The following MYO1H variants were observed in gnomAD, a reference collection of about 807,000 sequenced individuals.
MYO1H encodes the protein myosin IH.
MYO1H carries 118 observed loss-of-function variants against 149.3 expected under a neutral mutation model. That is an observed-to-expected ratio of 0.79 (90% CI 0.68 to 0.92). The LOEUF (loss-of-function observed/expected upper bound fraction) is 0.92. Ranked by LOEUF, MYO1H falls within the 40% of genes least tolerant of loss-of-function variation. The pLI is 0.00. For synonymous variants in MYO1H, 447 were observed against 465.2 expected, an observed-to-expected ratio of 0.96 and a Z score of 0.50; for missense variants, 1,212 against 1,280.7, an observed-to-expected ratio of 0.95 and a Z score of 0.82.
At chr12:109,345,086 TA>T (rs1036006339), upstream of MYO1H, among the ~76,000 whole-genome samples, 1 of 151,974 alleles carries the variant, frequency 6.6e-6, no homozygotes, top group South Asian at 2.1e-4. Flanking sequence ...AAACCAAAGG[TA>T]AAAAAATAGA....
intron 21 of MYO1H, among the ~76,000 whole-genome samples, chr12:109,436,200 C>A (rs891412221): frequency 1.3e-5 from 2 of 152,112 alleles, no homozygotes; most frequent in African/African-American, 4.8e-5. Flanking sequence ...AGAATGAAAT[C>A]TAATGCCTGA....
chr12:109,420,793 C>T (rs1476923074), intron 15 of MYO1H, among the ~76,000 whole-genome samples, 188 bp from the exon 16 acceptor site: 2 of 152,186 alleles, frequency 1.3e-5, no homozygotes, highest in Non-Finnish European at 2.9e-5. Flanking sequence ...CAACATCCCA[C>T]AATGCATGGG....
intron 21 of MYO1H, among the ~76,000 whole-genome samples, chr12:109,435,667 C>T (rs1871828556): frequency 6.6e-6 from 1 of 152,226 alleles, no homozygotes; most frequent in Non-Finnish European, 1.5e-5. Flanking sequence ...ACCATGGTCT[C>T]ATTCTGTTCT....
the MYO1H span, among the ~76,000 whole-genome samples, chr12:109,318,980 T>TGTTTTTTTG: frequency 1.4e-4 from 19 of 136,146 alleles, no homozygotes; most frequent in African/African-American, 4.9e-4. Flanking sequence ...TTGTTTTTTT[T>TGTTTTTTTG]TTTTTTTTTT....
At chr12:109,310,579 G>A in the MYO1H span, among the ~76,000 whole-genome samples, 1 of 152,012 alleles carries the variant, frequency 6.6e-6, no homozygotes, top group African/African-American at 2.4e-5. Context: ...CTTCGCAGCA[G>A]GCAGGGGACC....
intron 2 of MYO1H, among the ~76,000 whole-genome samples, chr12:109,390,651 T>C (rs1869605726): frequency 6.6e-6 from 1 of 151,262 alleles, no homozygotes; most frequent in South Asian, 2.1e-4. Context: ...ACCCATCCTG[T>C]TTTCTTGTTT....
intron 1 of MYO1H, among the ~76,000 whole-genome samples, chr12:109,371,764 A>C (rs1336357677): frequency 1.3e-5 from 2 of 152,202 alleles, no homozygotes; most frequent in South Asian, 4.1e-4. Context: ...AGATTCTATA[A>C]TATATACACC....
chr12:109,325,480 C>T, the MYO1H span, among the ~76,000 whole-genome samples: 1 of 152,002 alleles, frequency 6.6e-6, no homozygotes, highest in East Asian at 1.9e-4. Context: ...CCATAAAAAC[C>T]CTGAAAGAAA....
chr12:109,332,557 C>T, the MYO1H span, among the ~76,000 whole-genome samples: 4 of 152,208 alleles, frequency 2.6e-5, no homozygotes, highest in African/African-American at 9.7e-5. Flanking sequence ...CTGCATTGTG[C>T]CCTGGTGCAG....
At position 109,403,306 on chromosome 12, in the gene MYO1H, C is replaced by T. The variant is rs371805461; in HGVS notation, c.751-676C>T. 4.9e-4 allele frequency among the ~76,000 whole-genome samples: 74 copies of T among 152,338 alleles called. No homozygotes were observed. The South Asian group carries it at 0.014, about 28-fold the overall frequency. ...GAAATATTTTCATGGTATGACACAT[C>T]TGATTTCCCCCATGCAATGAAGAAA... On this transcript the variant is annotated intron_variant, in intron 6 of 31. Coordinates refer to ENST00000310903, the Ensembl canonical transcript of MYO1H.
At chr12:109,396,311 C>T in intron 3 of MYO1H, 73 bp from the exon 4 acceptor site, 3 of 1,303,940 alleles carry the variant, frequency 2.3e-6, no homozygotes, top group South Asian at 3.0e-5. Flanking sequence ...CCTCATTTTT[C>T]TTCTTTGGTG....
chr12:109,361,119 C>T (rs1030598202), intron 1 of MYO1H, among the ~76,000 whole-genome samples: 1 of 152,170 alleles, frequency 6.6e-6, no homozygotes, highest in Non-Finnish European at 1.5e-5. Context: ...TGTCCCAATT[C>T]TTTTCTTGGA....
chr12:109,401,380 T>G (rs778657867), intron 6 of MYO1H, 108 bp downstream of exon 6: 1 of 1,120,484 alleles, frequency 8.9e-7, no homozygotes. Flanking sequence ...CATCCTGCTA[T>G]GTGTCCTATT....
chr12:109,340,915 A>C, the MYO1H span, among the ~76,000 whole-genome samples: 3 of 152,150 alleles, frequency 2.0e-5, no homozygotes, highest in African/African-American at 7.2e-5. Flanking sequence ...GGCCAGGCTC[A>C]GTGGCTCATG....
chr12:109,423,220 A>G (rs990822894), intron 16 of MYO1H, among the ~76,000 whole-genome samples: 1 of 152,148 alleles, frequency 6.6e-6, no homozygotes, highest in Non-Finnish European at 1.5e-5. Flanking sequence ...GTACAGTGGC[A>G]TGATCTCAAC....
chr12:109,426,967 C>T (rs1427465813), intron 18 of MYO1H, among the ~76,000 whole-genome samples: 2 of 152,130 alleles, frequency 1.3e-5, no homozygotes, highest in Non-Finnish European at 2.9e-5. Flanking sequence ...GATCTCAGGA[C>T]TTTTCAGAGG....
At chr12:109,426,313 G>A (rs145836848) in intron 18 of MYO1H, among the ~76,000 whole-genome samples, 1 of 152,066 alleles carries the variant, frequency 6.6e-6, no homozygotes, top group Non-Finnish European at 1.5e-5. Flanking sequence ...GCAAAACCCC[G>A]TCTCTACAAA....
At chr12:109,401,112 A>C in exon 6 of MYO1H, 1 of 1,613,906 alleles carries the variant, frequency 6.2e-7, no homozygotes, top group Non-Finnish European at 8.5e-7. Context: ...GTAGGTGGGC[A>C]TATCATCAGT....
At chr12:109,332,532 G>A in the MYO1H span, among the ~76,000 whole-genome samples, 3 of 152,188 alleles carry the variant, frequency 2.0e-5, no homozygotes, top group Non-Finnish European at 4.4e-5. Flanking sequence ...TCCTGTCAAG[G>A]TCATCCATCT....
Sources: gnomAD v4.1 joint callset for allele counts (sites outside exome capture counted in the v4.1 genomes callset) on GRCh38, gnomAD v4.1.1 for gene constraint, MANE v1.5 for transcripts, NCBI Gene and HGNC (gene_info 2026-07-23, HGNC 2026-07-21) for gene names.